HS3ST4: variants seen among roughly 807,000 people sequenced by gnomAD.
The protein encoded by HS3ST4 is heparan sulfate glucosamine 3-O-sulfotransferase 4.
Under a neutral mutation model 29.2 loss-of-function variants are expected in HS3ST4, and 17 were observed. That is an observed-to-expected ratio of 0.58 (90% CI 0.40 to 0.87). The LOEUF (loss-of-function observed/expected upper bound fraction) is 0.87, where lower values mean the gene tolerates loss of function less well. HS3ST4 is among the 40% of genes least tolerant of loss of function. The pLI is 0.00. For synonymous variants in HS3ST4, 314 were observed against 285.7 expected, an observed-to-expected ratio of 1.10 and a Z score of -1.00; for missense variants, 627 against 634.5, an observed-to-expected ratio of 0.99 and a Z score of 0.13.
chr16:25,735,676 G>A (rs2141595507), intron 1 of HS3ST4, among the ~76,000 whole-genome samples: 1 of 152,298 alleles, frequency 6.6e-6, no homozygotes, highest in Non-Finnish European at 1.5e-5. Context: ...ACGGGTATGA[G>A]CCACCATGCC....
chr16:26,071,225 C>A (rs890584097), intron 1 of HS3ST4, among the ~76,000 whole-genome samples: 3 of 152,084 alleles, frequency 2.0e-5, no homozygotes, highest in Non-Finnish European at 4.4e-5. Flanking sequence ...TAAAACAGAA[C>A]CCACTATGAA....
intron 1 of HS3ST4, among the ~76,000 whole-genome samples, chr16:25,862,114 A>G (rs920371749): frequency 1.3e-5 from 2 of 152,062 alleles, no homozygotes; most frequent in Non-Finnish European, 2.9e-5. Context: ...CACAACCTAG[A>G]TCCCTTGTAT....
intron 1 of HS3ST4, among the ~76,000 whole-genome samples, chr16:25,999,897 T>TTATATATATTATATATATATATTATA (rs1555477425): frequency 1.9e-4 from 25 of 131,830 alleles, no homozygotes; most frequent in African/African-American, 6.8e-4. Flanking sequence ...TATATATATT[T>TTATATATATTATATATATATATTATA]TATATATATA....
chr16:26,095,404 AC>A (rs765356510), intron 1 of HS3ST4, among the ~76,000 whole-genome samples: 4 of 152,218 alleles, frequency 2.6e-5, no homozygotes, highest in Admixed American at 6.5e-5. Flanking sequence ...AACAGAAATC[AC>A]AACAAACTGT....
Position 25,692,332 on chromosome 16 carries a change from GGCGGC to G in HS3ST4, c.-84_-80del. 7 of 162,274 alleles carry G rather than the reference GGCGGC, an allele frequency of 4.3e-5. No homozygotes were observed. The highest frequency in any genetic ancestry group is 6.2e-5 in the Non-Finnish European group (5 of 80,428). 10.1% of individuals were successfully genotyped at this position (162,274 alleles called of 1,614,324 possible). On this transcript the variant is annotated 5_prime_UTR_variant, in exon 1 of 2. It introduces an in-frame stop codon into an upstream open reading frame of the 5' UTR. Transcript: ENST00000331351. ...CGGCGGCGGCGGCGGCGGCGGCGGC[GGCGGC>G]GGGGGCGGCGGCTGAAACCATGTCC...
intron 1 of HS3ST4, among the ~76,000 whole-genome samples, chr16:25,792,043 C>G (rs1161758150): frequency 6.6e-6 from 1 of 151,906 alleles, no homozygotes; most frequent in African/African-American, 2.4e-5. Flanking sequence ...ATTTCATAAA[C>G]AATTTGCTTC....
At chr16:25,982,294 T>C (rs528571162) in intron 1 of HS3ST4, among the ~76,000 whole-genome samples, 2 of 152,308 alleles carry the variant, frequency 1.3e-5, no homozygotes, top group South Asian at 2.1e-4. Context: ...AGTTACTCTT[T>C]GACAAATAGC....
At chr16:25,778,413 G>A (rs1319462218) in intron 1 of HS3ST4, among the ~76,000 whole-genome samples, 1 of 152,200 alleles carries the variant, frequency 6.6e-6, no homozygotes, top group Non-Finnish European at 1.5e-5. Flanking sequence ...CTTAGGTACA[G>A]CAGGAAGGAG....
intron 1 of HS3ST4, among the ~76,000 whole-genome samples, chr16:26,075,739 A>G (rs144955480): frequency 6.6e-6 from 1 of 152,312 alleles, no homozygotes; most frequent in African/African-American, 2.4e-5. Flanking sequence ...TACATTCCCA[A>G]AGAACATTCC....
Position 25,692,438 on chromosome 16 carries a change from TCCTCCG to T in HS3ST4, c.39_44del (p.Pro15_Pro16del), listed in dbSNP as rs746860037. ...CCGCGATGGCCCGGTGGCCCGCACCTCCTCCGCCTCCGCCTCCGCCTCCACCTCTGG... is the reference window on the plus strand; with the variant it reads ...CCGCGATGGCCCGGTGGCCCGCACCTCCTCCGCCTCCGCCTCCACCTCTGG... On this transcript the variant is annotated inframe_deletion, in exon 1 of 2. Transcript: ENST00000331351. 629 of 1,198,164 alleles carry T rather than the reference TCCTCCG, an allele frequency of 5.2e-4. 5 individuals are homozygous for T. In the South Asian group the frequency reaches 8.2e-3, roughly 16 times the overall value. 74.2% of individuals were successfully genotyped at this position (1,198,164 alleles called of 1,614,324 possible). A position where few individuals can be genotyped will look rare whatever the true frequency, so the allele number is the denominator to read the frequency against.
intron 1 of HS3ST4, among the ~76,000 whole-genome samples, chr16:26,123,107 G>A (rs1013662700): frequency 1.3e-5 from 2 of 151,546 alleles, no homozygotes; most frequent in Non-Finnish European, 2.9e-5. Flanking sequence ...TGTCTACAGA[G>A]CAGATGGGGC....
chr16:25,916,392 C>T lies in HS3ST4; in HGVS notation c.735-219220C>T, dbSNP rs144613424. ...CATTTTTTTTTTTGAGACAGAGTTT[C>T]GCTCTTGTTTCCCAGGCTGGAGTAC... On this transcript the variant is annotated intron_variant, in intron 1 of 1. Coordinates refer to ENST00000331351, the MANE Select transcript of HS3ST4 (RefSeq NM_006040.3). Among the ~76,000 whole-genome samples the T allele has an allele frequency of 3.8e-3, 580 of 151,788 alleles. 12 individuals are homozygous for T. Among genetic ancestry groups the T allele is most frequent in the Non-Finnish European group, 4.8e-3 (326 of 67,946 alleles).
At chr16:25,824,850 T>C (rs1301316163) in intron 1 of HS3ST4, 2 of 152,188 alleles carry the variant, frequency 1.3e-5, no homozygotes, top group Non-Finnish European at 2.9e-5. Flanking sequence ...ACCTTCTCCT[T>C]GTGTTTGATG....
intron 1 of HS3ST4, among the ~76,000 whole-genome samples, chr16:26,042,350 A>ATC (rs1221790860): frequency 1.4e-4 from 20 of 145,978 alleles, no homozygotes; most frequent in South Asian, 6.7e-4. Context: ...GCTGGCATTT[A>ATC]TCTCTGTGTG....
chr16:26,121,201 G>A (rs953669038), intron 1 of HS3ST4, among the ~76,000 whole-genome samples: 2 of 152,226 alleles, frequency 1.3e-5, no homozygotes, highest in Admixed American at 6.5e-5. Context: ...GACAGCCACT[G>A]AGTCAGCTGT....
At chr16:25,815,135 A>C (rs542065289) in intron 1 of HS3ST4, among the ~76,000 whole-genome samples, 5 of 152,190 alleles carry the variant, frequency 3.3e-5, no homozygotes, top group Non-Finnish European at 7.3e-5. Flanking sequence ...TTGGAATAGG[A>C]AATGGCAAAC....
At chr16:25,960,901 G>A (rs529877970) in intron 1 of HS3ST4, among the ~76,000 whole-genome samples, 1 of 152,182 alleles carries the variant, frequency 6.6e-6, no homozygotes, top group Non-Finnish European at 1.5e-5. Context: ...ATTGCTAACT[G>A]GAGGTAGGAA....
chr16:25,846,535 TAA>T (rs5816326), intron 1 of HS3ST4, among the ~76,000 whole-genome samples: 39 of 145,516 alleles, frequency 2.7e-4, no homozygotes, highest in East Asian at 6.0e-4. Context: ...CCCCATCTCT[TAA>T]AAAAAAAAAA....
chr16:26,051,939 G>C (rs184386107), intron 1 of HS3ST4, among the ~76,000 whole-genome samples: 1 of 107,114 alleles, frequency 9.3e-6, no homozygotes, highest in African/African-American at 3.8e-5. Context: ...CCTTCCTTCC[G>C]TCCTTCCTTC....
Sources: allele counts gnomAD v4.1 joint callset (sites outside exome capture counted in the v4.1 genomes callset), GRCh38; gene constraint gnomAD v4.1.1; transcripts MANE v1.5; gene names NCBI Gene and HGNC (gene_info 2026-07-23, HGNC 2026-07-21).